The following KAZN variants were observed in gnomAD, a reference collection of about 807,000 sequenced individuals.
KAZN encodes the protein kazrin.
A neutral mutation model predicts 87.4 loss-of-function variants in KAZN; 40 were observed. The observed-to-expected ratio is 0.46, with a 90% CI of 0.36 to 0.60. The LOEUF (loss-of-function observed/expected upper bound fraction) is 0.60. Ranked by LOEUF, KAZN falls within the 20% of genes least tolerant of loss-of-function variation. The pLI, the probability that KAZN is intolerant of heterozygous loss-of-function variation, is 0.00. For missense variants in KAZN, 898 were observed against 1,073.9 expected, an observed-to-expected ratio of 0.84 and a Z score of 2.29; for synonymous variants, 466 against 458.3, an observed-to-expected ratio of 1.02 and a Z score of -0.22.
intron 1 of KAZN, among the ~76,000 whole-genome samples, chr1:13,975,073 G>T (rs151132052): frequency 2.0e-5 from 3 of 152,032 alleles, no homozygotes; most frequent in Non-Finnish European, 4.4e-5. Context: ...CTGGATTTTG[G>T]GTGTAGAGTG....
intron 2 of KAZN, among the ~76,000 whole-genome samples, chr1:14,296,929 G>A (rs1478545935): frequency 1.3e-5 from 2 of 152,012 alleles, no homozygotes; most frequent in African/African-American, 4.8e-5. Context: ...ATTCTTAAAA[G>A]GTGAGTCATG....
chr1:13,997,613 G>T (rs1639584514), intron 1 of KAZN, among the ~76,000 whole-genome samples: 1 of 151,580 alleles, frequency 6.6e-6, no homozygotes, highest in South Asian at 2.1e-4. Context: ...CAGAAGAAAG[G>T]ATATCAGAGT....
intron 2 of KAZN, among the ~76,000 whole-genome samples, chr1:14,232,806 GA>G (rs941298572): frequency 2.0e-5 from 3 of 151,796 alleles, no homozygotes; most frequent in Admixed American, 6.6e-5. Context: ...TTAAAATAAA[GA>G]AAAAATGAAT....
chr1:14,235,701 T>C (rs915640321), intron 2 of KAZN, among the ~76,000 whole-genome samples: 10 of 152,154 alleles, frequency 6.6e-5, no homozygotes, highest in African/African-American at 2.4e-4. Flanking sequence ...GACTGAAGAA[T>C]TGGAAACAAT....
chr1:14,337,056 T>C (rs1215463436), intron 2 of KAZN, among the ~76,000 whole-genome samples: 1 of 152,186 alleles, frequency 6.6e-6, no homozygotes, highest in African/African-American at 2.4e-5. Flanking sequence ...AGGTTCCAAG[T>C]GGGAAAAATA....
intron 1 of KAZN, among the ~76,000 whole-genome samples, chr1:14,637,887 A>G (rs1366003994): frequency 6.6e-6 from 1 of 152,168 alleles, no homozygotes; most frequent in Non-Finnish European, 1.5e-5. Context: ...ACAGTCCAGG[A>G]GGCCAGAAAT....
chr1:14,756,908 A>G (rs961025288), intron 1 of KAZN, among the ~76,000 whole-genome samples: 5 of 152,246 alleles, frequency 3.3e-5, no homozygotes, highest in Non-Finnish European at 1.5e-5. Context: ...CTGCCAGCAG[A>G]AGGTAACGGA....
intron 2 of KAZN, among the ~76,000 whole-genome samples, chr1:14,433,721 A>G (rs1348064760): frequency 6.6e-6 from 1 of 152,212 alleles, no homozygotes; most frequent in East Asian, 1.9e-4. Flanking sequence ...TTAGCCAGGT[A>G]TGGTGGCATG....
chr1:14,414,680 G>A (rs1664602336), intron 2 of KAZN, among the ~76,000 whole-genome samples: 1 of 151,976 alleles, frequency 6.6e-6, no homozygotes, highest in Non-Finnish European at 1.5e-5. Flanking sequence ...CCATACATAG[G>A]GATGATAAAC....
intron 2 of KAZN, among the ~76,000 whole-genome samples, chr1:14,304,814 C>T (rs554227241): frequency 4.6e-5 from 7 of 152,082 alleles, no homozygotes; most frequent in Admixed American, 1.3e-4. Context: ...AACAGTTCAC[C>T]GAGCTCCTGG....
intron 2 of KAZN, among the ~76,000 whole-genome samples, chr1:14,555,585 G>A (rs1049497817): frequency 5.3e-5 from 8 of 152,178 alleles, no homozygotes; most frequent in Non-Finnish European, 1.2e-4. Flanking sequence ...ATGCCGTGTA[G>A]GAAAGTTGTG....
chr1:14,798,651 G>A (rs1645907920), intron 1 of KAZN, among the ~76,000 whole-genome samples: 1 of 151,772 alleles, frequency 6.6e-6, no homozygotes, highest in Non-Finnish European at 1.5e-5. Flanking sequence ...AGCCAAAATG[G>A]TCTCGATCTC....
chr1:14,654,181 G>A (rs1638635391), intron 1 of KAZN, among the ~76,000 whole-genome samples: 1 of 152,096 alleles, frequency 6.6e-6, no homozygotes, highest in Non-Finnish European at 1.5e-5. Context: ...CAGCTACTCA[G>A]GAGGCGGAGG....
chr1:14,243,344 G>A (rs761752090), intron 2 of KAZN, among the ~76,000 whole-genome samples: 1 of 152,164 alleles, frequency 6.6e-6, no homozygotes, highest in African/African-American at 2.4e-5. Context: ...CAGGCGGAAG[G>A]TAAATTTTCC....
chr1:14,184,226 CT>C lies in KAZN; in HGVS notation c.249+3635del, dbSNP rs2100329881. ...TTTTCTTTTTGCTTTTCTTTGTCTT[CT>C]CCCTCTGCCCTTTTTCTCCCCACCC... On this transcript the variant is annotated intron_variant, in intron 2 of 16. Transcript: ENST00000636203. The surrounding 1 kb of genome is among the most constrained non-coding windows in gnomAD (Gnocchi z 4.2). 6.6e-6 allele frequency among the ~76,000 whole-genome samples: 1 copy of C among 152,048 alleles called. No homozygotes were observed. The highest frequency in any genetic ancestry group is 2.4e-5 in the African/African-American group (1 of 41,472).
At chr1:14,652,265 T>C (rs928470147) in intron 1 of KAZN, among the ~76,000 whole-genome samples, 1 of 152,138 alleles carries the variant, frequency 6.6e-6, no homozygotes, top group Non-Finnish European at 1.5e-5. Flanking sequence ...CCCTGAAAAG[T>C]TGTGTGATAT....
intron 1 of KAZN, among the ~76,000 whole-genome samples, chr1:14,874,609 A>G (rs1315664240): frequency 6.6e-6 from 1 of 152,214 alleles, no homozygotes; most frequent in African/African-American, 2.4e-5. Context: ...GACAGCAATT[A>G]AGCAACTGTT....
At chr1:14,295,393 C>T (rs1283351919) in intron 2 of KAZN, among the ~76,000 whole-genome samples, 1 of 152,204 alleles carries the variant, frequency 6.6e-6, no homozygotes. Flanking sequence ...CCCAGCTTCT[C>T]CCTCTCATGC....
intron 2 of KAZN, among the ~76,000 whole-genome samples, chr1:14,502,437 GAATTA>G (rs1265005894): frequency 6.6e-6 from 1 of 152,142 alleles, no homozygotes; most frequent in Non-Finnish European, 1.5e-5. Context: ...TATGCATTTA[GAATTA>G]AATTCTCAAT....
Sources: allele counts gnomAD v4.1 joint callset (sites outside exome capture counted in the v4.1 genomes callset), GRCh38; gene constraint gnomAD v4.1.1; non-coding constraint Gnocchi (gnomAD v3.1); transcripts MANE v1.5; gene names NCBI Gene and HGNC (gene_info 2026-07-23, HGNC 2026-07-21).